Variants in CSNK2A2 observed in about 807,000 individuals in gnomAD.
CSNK2A2 encodes the protein casein kinase 2 alpha 2.
Under a neutral mutation model 54.0 loss-of-function variants are expected in CSNK2A2, and 8 were observed. The ratio of observed to expected loss-of-function variants is 0.15; its 90% confidence interval spans 0.09 to 0.27. The LOEUF (loss-of-function observed/expected upper bound fraction) is 0.27. Among genes scored for constraint, CSNK2A2 ranks in the 10% least tolerant of loss-of-function variants. The pLI, the probability that CSNK2A2 is intolerant of heterozygous loss-of-function variation, is 1.00. For synonymous variants in CSNK2A2, 141 were observed against 153.9 expected (o/e 0.92, Z 0.62); for missense variants, 242 against 439.4 (o/e 0.55, Z 4.02).
In CSNK2A2 at chr16:58,161,546, C is replaced by CACACACACACACAG. The variant is rs372634548; in HGVS notation, c.*17+2507_*17+2508insCTGTGTGTGTGTGT. On this transcript the variant is annotated intron_variant, in intron 11 of 11. Coordinates refer to ENST00000262506, the MANE Select transcript of CSNK2A2 (RefSeq NM_001896.4). ...ACACAGACACACACACAGACACACA[C>CACACACACACACAG]ACAGACACACACACAGACACACACA... is the stretch of plus-strand genomic sequence containing the variant. 245 of 150,440 alleles carry CACACACACACACAG rather than the reference C, an allele frequency of 1.6e-3. 4 individuals carry two copies. The highest frequency in any genetic ancestry group is 5.6e-3 in the African/African-American group (225 of 40,178). 9.3% of individuals were successfully genotyped at this position (150,440 alleles called of 1,614,324 possible).
intron 8 of CSNK2A2, 135 bp downstream of exon 8, chr16:58,167,072 T>C: frequency 1.7e-6 from 1 of 574,028 alleles, no homozygotes; most frequent in South Asian, 3.2e-5. Flanking sequence ...TTCTGTGCGA[T>C]CTTTATCTTG....
intron 10 of CSNK2A2, among the ~76,000 whole-genome samples, chr16:58,164,507 A>C (rs1258808189): frequency 6.6e-6 from 1 of 152,216 alleles, no homozygotes; most frequent in Admixed American, 6.5e-5. Context: ...CAAGCACTTC[A>C]AAGGAAAGGT....
chr16:58,194,180 C>T (rs183155801), intron 2 of CSNK2A2, among the ~76,000 whole-genome samples: 31 of 152,258 alleles, frequency 2.0e-4, no homozygotes, highest in African/African-American at 7.0e-4. Context: ...ATACAGCAGG[C>T]TTTTACAAAA....
chr16:58,163,386 T>C (rs1026954564), intron 11 of CSNK2A2: 1 of 152,018 alleles, frequency 6.6e-6, no homozygotes, highest in Non-Finnish European at 1.5e-5. Flanking sequence ...ATGATAACCA[T>C]GGACCAGTTC....
chr16:58,189,321 T>A (rs902517529), intron 2 of CSNK2A2, among the ~76,000 whole-genome samples: 1 of 152,190 alleles, frequency 6.6e-6, no homozygotes, highest in South Asian at 2.1e-4. Context: ...CCTTTCGATA[T>A]AAGAAAATTC....
chr16:58,182,125 G>A (rs1962057791), intron 4 of CSNK2A2, among the ~76,000 whole-genome samples: 1 of 152,026 alleles, frequency 6.6e-6, no homozygotes, highest in African/African-American at 2.4e-5. Context: ...GAGAATGTAT[G>A]AAACATCCCC....
chr16:58,175,762 C>T (rs1300681126), intron 4 of CSNK2A2, among the ~76,000 whole-genome samples: 1 of 152,086 alleles, frequency 6.6e-6, no homozygotes, highest in Non-Finnish European at 1.5e-5. Flanking sequence ...CTCAAGTTTC[C>T]CCCTTTAGGT....
At chr16:58,195,630 AG>A (rs1962424354) in intron 2 of CSNK2A2, among the ~76,000 whole-genome samples, 1 of 152,236 alleles carries the variant, frequency 6.6e-6, no homozygotes, top group Admixed American at 6.5e-5. Context: ...GGCAATAACG[AG>A]GACCCATCAC....
intron 4 of CSNK2A2, among the ~76,000 whole-genome samples, chr16:58,179,858 T>A (rs1467283260): frequency 8.6e-5 from 13 of 151,844 alleles, no homozygotes; most frequent in African/African-American, 3.1e-4. Context: ...GGCGGGTGGG[T>A]CATGAGTTCA....
At position 58,197,648 on chromosome 16, in the gene CSNK2A2, T is replaced by C; in HGVS notation, c.89A>G (p.His30Arg). Residue 30 changes from histidine (H) to arginine (R), a missense_variant, in exon 1 of 12, where the codon CAC (histidine) becomes CGC (arginine). Physicochemically the swap from His to Arg is conservative, Grantham distance 29. Around this residue, in one of 5 missense-constraint regions of CSNK2A2, gnomAD observed 48 missense variants for 55.4 expected, o/e 0.87. Transcript: ENST00000262506. The surrounding 1 kb of genome is among the most constrained non-coding windows in gnomAD (Gnocchi z 4.0). ...RSREYWDYEA[H>R]VPSWGNQDDY... ...ACGGCTTTACCCCCAGCTCGGGACGTGAGCCTCGTAGTCCCAGTACTCGCG... is the reference window on the plus strand; with the variant it reads ...ACGGCTTTACCCCCAGCTCGGGACGCGAGCCTCGTAGTCCCAGTACTCGCG... 6.4e-7 allele frequency: 1 copy of C among 1,570,434 alleles called. No homozygotes were observed. Among genetic ancestry groups the C allele is most frequent in the Non-Finnish European group, 8.6e-7 (1 of 1,161,628 alleles).
intron 11 of CSNK2A2, chr16:58,160,787 C>T (rs1156995883): frequency 2.0e-5 from 3 of 152,320 alleles, no homozygotes; most frequent in African/African-American, 7.2e-5. Context: ...AGCCCTTCCC[C>T]TAGCCACTCT....
chr16:58,171,993 T>A (rs1349357967), intron 5 of CSNK2A2, among the ~76,000 whole-genome samples: 3 of 106,512 alleles, frequency 2.8e-5, no homozygotes, highest in Admixed American at 1.7e-4. Context: ...TTTTTTTTTT[T>A]TTTTTTTTGG....
At chr16:58,164,291 C>T (rs968373515) in intron 10 of CSNK2A2, 144 bp from the exon 11 acceptor site, 9 of 610,960 alleles carry the variant, frequency 1.5e-5, no homozygotes, top group East Asian at 1.4e-4. Flanking sequence ...ACGGAAATCA[C>T]GGAATTCCAG....
intron 2 of CSNK2A2, among the ~76,000 whole-genome samples, chr16:58,188,371 G>A (rs571587751): frequency 1.3e-5 from 2 of 152,276 alleles, no homozygotes; most frequent in African/African-American, 2.4e-5. Context: ...GAGGGAGCTC[G>A]AAACTTTGGG....
intron 4 of CSNK2A2, among the ~76,000 whole-genome samples, chr16:58,177,257 C>T (rs772426210): frequency 5.9e-5 from 9 of 152,154 alleles, no homozygotes; most frequent in Non-Finnish European, 1.3e-4. Flanking sequence ...GTCCATGACA[C>T]ATTAGAAAGA....
intron 5 of CSNK2A2, among the ~76,000 whole-genome samples, chr16:58,173,542 T>A (rs1182859657): frequency 6.6e-6 from 1 of 152,216 alleles, no homozygotes; most frequent in Non-Finnish European, 1.5e-5. Context: ...AACAAAATGA[T>A]CATTCCTCCA....
At chr16:58,184,860 A>C (rs1962149096) in intron 3 of CSNK2A2, among the ~76,000 whole-genome samples, 1 of 152,180 alleles carries the variant, frequency 6.6e-6, no homozygotes, top group Non-Finnish European at 1.5e-5. Flanking sequence ...CAAAAGGAAA[A>C]TATAACCATC....
At chr16:58,192,425 G>C (rs1405619184) in intron 2 of CSNK2A2, among the ~76,000 whole-genome samples, 10 of 149,680 alleles carry the variant, frequency 6.7e-5, no homozygotes, top group Non-Finnish European at 1.5e-5. Context: ...ATCATGCTGA[G>C]ACTTGGAGGA....
intron 11 of CSNK2A2, chr16:58,161,841 G>C (rs1430095464): frequency 6.6e-6 from 1 of 152,286 alleles, no homozygotes; most frequent in Admixed American, 6.5e-5. Context: ...GGAAAAGCAA[G>C]CTGTGTGCTT....
Sources: allele counts gnomAD v4.1 joint callset (sites outside exome capture counted in the v4.1 genomes callset), GRCh38; gene constraint gnomAD v4.1.1; regional missense constraint gnomAD v4.1.1; non-coding constraint Gnocchi (gnomAD v3.1); transcripts MANE v1.5; gene names NCBI Gene and HGNC (gene_info 2026-07-23, HGNC 2026-07-21).